Variants in PCDH15 observed in about 807,000 individuals in gnomAD.
PCDH15 encodes the protein protocadherin-15.
PCDH15 carries 129 observed loss-of-function variants against 178.5 expected under a neutral mutation model. The ratio of observed to expected loss-of-function variants is 0.72; its 90% confidence interval spans 0.63 to 0.84. The LOEUF is 0.84. Ranked by LOEUF, PCDH15 falls within the 40% of genes least tolerant of loss-of-function variation. The pLI is 0.00. For missense variants in PCDH15, 2,230 were observed against 2,099.9 expected, an observed-to-expected ratio of 1.06 and a Z score of -1.21; for synonymous variants, 800 against 732.0, an observed-to-expected ratio of 1.09 and a Z score of -1.50.
intron 26 of PCDH15, among the ~76,000 whole-genome samples, chr10:53,897,410 T>C (rs935283336): frequency 6.6e-6 from 1 of 152,198 alleles, no homozygotes; most frequent in Non-Finnish European, 1.5e-5. Flanking sequence ...AAATTAAATA[T>C]AGTTTAAAAA....
intron 26 of PCDH15, among the ~76,000 whole-genome samples, chr10:53,901,207 C>T (rs2082311882): frequency 1.3e-5 from 2 of 151,890 alleles, no homozygotes; most frequent in African/African-American, 4.8e-5. Flanking sequence ...CATCTTGGCC[C>T]CTTATTTCTC....
chr10:55,346,849 G>C (rs1361328409), intron 2 of PCDH15, among the ~76,000 whole-genome samples: 1 of 152,026 alleles, frequency 6.6e-6, no homozygotes, highest in Non-Finnish European at 1.5e-5. Flanking sequence ...GTGATTGAGA[G>C]CAGAGAATCC....
At chr10:54,452,017 T>C (rs2076511286) in intron 3 of PCDH15, among the ~76,000 whole-genome samples, 2 of 151,986 alleles carry the variant, frequency 1.3e-5, no homozygotes, top group Admixed American at 6.6e-5. Context: ...GTAGAATTCA[T>C]TTTACTAATT....
chr10:54,385,882 GTACTT>G, intron 3 of PCDH15, among the ~76,000 whole-genome samples: 1 of 152,230 alleles, frequency 6.6e-6, no homozygotes, highest in East Asian at 1.9e-4. Context: ...GCCTGACGAA[GTACTT>G]TACTTTCAAA....
chr10:54,119,978 T>C (rs930769058), intron 15 of PCDH15, among the ~76,000 whole-genome samples: 4 of 152,114 alleles, frequency 2.6e-5, no homozygotes, highest in Non-Finnish European at 4.4e-5. Flanking sequence ...TGTGTCCATG[T>C]GTTATCATTG....
At chr10:54,295,050 T>C (rs544400161) in intron 8 of PCDH15, among the ~76,000 whole-genome samples, 3 of 152,254 alleles carry the variant, frequency 2.0e-5, no homozygotes, top group Non-Finnish European at 2.9e-5. Flanking sequence ...TATTTGAAAA[T>C]TGCTATATAA....
At chr10:54,352,627 T>C (rs914476084) in intron 5 of PCDH15, among the ~76,000 whole-genome samples, 4 of 152,232 alleles carry the variant, frequency 2.6e-5, no homozygotes, top group South Asian at 2.1e-4. Flanking sequence ...TTTCTACTAA[T>C]AGACATTAAC....
chr10:54,296,161 A>AAAG (rs2059767901), intron 8 of PCDH15, among the ~76,000 whole-genome samples: 1 of 148,732 alleles, frequency 6.7e-6, no homozygotes, highest in Admixed American at 6.7e-5. Flanking sequence ...AAAAAAAAAA[A>AAAG]AAAAAAAAGT....
Position 53,959,741 on chromosome 10 carries a change from TC to T in PCDH15, c.3112del (p.Glu1038ArgfsTer8). On this transcript the variant is annotated frameshift_variant, in exon 23 of 38. Transcript: ENST00000644397. LOFTEE classifies it high-confidence loss of function. ...GGACAGAAATCAATACCTATATTCC[TC>T]CTGTGTGAAGCGTGGGATCTCACCA... The part of the protein sequence containing the change: ...HPGEIPRFTQ[E>X]EYRPPPVSEL... 5 of 1,612,020 alleles carry T rather than the reference TC, an allele frequency of 3.1e-6. No homozygotes were observed. The highest frequency in any genetic ancestry group is 4.2e-6 in the Non-Finnish European group (5 of 1,178,152).
intron 26 of PCDH15, among the ~76,000 whole-genome samples, chr10:53,891,760 C>T (rs922381113): frequency 6.6e-6 from 1 of 151,326 alleles, no homozygotes; most frequent in Non-Finnish European, 1.5e-5. Flanking sequence ...CGAGACCAGT[C>T]TGGCCAACAT....
intron 2 of PCDH15, among the ~76,000 whole-genome samples, chr10:55,063,389 A>G (rs1841486513): frequency 6.6e-6 from 1 of 152,098 alleles, no homozygotes; most frequent in Admixed American, 6.6e-5. Flanking sequence ...TTCAATTCTG[A>G]AACAATATAT....
intron 3 of PCDH15, among the ~76,000 whole-genome samples, chr10:54,887,058 G>T (rs985442306): frequency 1.3e-5 from 2 of 152,162 alleles, no homozygotes; most frequent in Admixed American, 1.3e-4. Flanking sequence ...TTCAAGAAAG[G>T]ATGGGACAGA....
chr10:54,075,973 T>A (rs987780007), intron 17 of PCDH15, among the ~76,000 whole-genome samples: 7 of 152,128 alleles, frequency 4.6e-5, no homozygotes, highest in Admixed American at 1.3e-4. Flanking sequence ...TTTGTTTTTT[T>A]AAAAAAATTA....
intron 35 of PCDH15, among the ~76,000 whole-genome samples, chr10:53,813,949 G>A (rs754611514): frequency 2.0e-5 from 3 of 152,112 alleles, no homozygotes; most frequent in Non-Finnish European, 2.9e-5. Context: ...TCTTATGGGC[G>A]TAGGTTTTAT....
chr10:54,075,477 T>C (rs2094325293), intron 17 of PCDH15, among the ~76,000 whole-genome samples: 1 of 152,238 alleles, frequency 6.6e-6, no homozygotes, highest in Non-Finnish European at 1.5e-5. Flanking sequence ...TTTTTTATTC[T>C]GTGTCTTTGA....
intron 21 of PCDH15, among the ~76,000 whole-genome samples, chr10:53,994,134 A>C (rs895101701): frequency 6.6e-6 from 1 of 152,184 alleles, no homozygotes; most frequent in South Asian, 2.1e-4. Context: ...AGACCAAGAC[A>C]ACTTTTCGCA....
At chr10:55,551,407 T>C (rs888521991) in intron 2 of PCDH15, among the ~76,000 whole-genome samples, 4 of 151,946 alleles carry the variant, frequency 2.6e-5, no homozygotes, top group African/African-American at 9.6e-5. Context: ...AGACAGGTTA[T>C]ATAGAATCCA....
chr10:55,319,417 T>C (rs1843824859), intron 1 of PCDH15, among the ~76,000 whole-genome samples: 1 of 151,940 alleles, frequency 6.6e-6, no homozygotes, highest in South Asian at 2.1e-4. Context: ...ATATAGAAAT[T>C]TTAAAAATAG....
intron 3 of PCDH15, among the ~76,000 whole-genome samples, chr10:54,403,273 A>G (rs1952173848): frequency 6.6e-6 from 1 of 152,040 alleles, no homozygotes; most frequent in Non-Finnish European, 1.5e-5. Context: ...AATCTTGTAG[A>G]TGTTGGTTCA....
Sources: gnomAD v4.1 joint callset for allele counts (sites outside exome capture counted in the v4.1 genomes callset) on GRCh38, gnomAD v4.1.1 for gene constraint, MANE v1.5 for transcripts, NCBI Gene and HGNC (gene_info 2026-07-23, HGNC 2026-07-21) for gene names.